The following KPNA7 variants were observed in gnomAD, a reference collection of about 807,000 sequenced individuals.
KPNA7 encodes the protein importin subunit alpha-8.
KPNA7 carries 54 observed loss-of-function variants against 53.7 expected under a neutral mutation model. That is an observed-to-expected ratio of 1.01 (90% CI 0.81 to 1.26). The LOEUF is 1.26. KPNA7 is among the 50% of genes most tolerant of loss of function. KPNA7 has a pLI of 0.00. For synonymous variants in KPNA7, 276 were observed against 259.3 expected (o/e 1.06, Z -0.62); for missense variants, 640 against 644.5 (o/e 0.99, Z 0.07).
In KPNA7 at chr7:99,195,974, C is replaced by A. The variant is rs1173123007; in HGVS notation, c.284+110G>T. 5 of 806,256 alleles carry A rather than the reference C, an allele frequency of 6.2e-6. No homozygotes were observed. In the African/African-American group the frequency reaches 6.9e-5, roughly 11 times the overall value. 49.9% of individuals were successfully genotyped at this position (806,256 alleles called of 1,614,324 possible). On this transcript the variant is annotated intron_variant, in intron 4 of 10. Transcript: ENST00000327442. ...TGGGCTAGCCTTTTCCTGTGTTTTA[C>A]GGGCATGTTGCCAATGCCAAGAAAC... is the stretch of plus-strand genomic sequence containing the variant.
intron 9 of KPNA7, among the ~76,000 whole-genome samples, chr7:99,180,972 T>C (rs1287180554): frequency 7.1e-6 from 1 of 141,520 alleles, no homozygotes; most frequent in East Asian, 2.2e-4. Context: ...TCTCTCTCTC[T>C]CCCCGTCTGT....
At chr7:99,217,416 G>A (rs946139281) in intron 1 of KPNA7, among the ~76,000 whole-genome samples, 1 of 152,058 alleles carries the variant, frequency 6.6e-6, no homozygotes, top group East Asian at 1.9e-4. Context: ...TGTTGGATTC[G>A]AGCTAGCGAG....
intron 3 of KPNA7, among the ~76,000 whole-genome samples, chr7:99,202,768 C>G (rs988603125): frequency 7.2e-5 from 11 of 152,050 alleles, no homozygotes; most frequent in Non-Finnish European, 1.6e-4. Context: ...TCGCTTGAAC[C>G]CAGGGAGATT....
the KPNA7 span, among the ~76,000 whole-genome samples, chr7:99,163,359 G>GTGTGTATATA: frequency 1.2e-4 from 8 of 66,412 alleles, no homozygotes; most frequent in African/African-American, 4.1e-4. Flanking sequence ...ATGAGTGTGT[G>GTGTGTATATA]TATATATATA....
rs142595225 is a variant in KPNA7, at chr7:99,214,635, A to AGAGGGGAGGG, written c.-23-7156_-23-7147dup. On this transcript the variant is annotated intron_variant, in intron 1 of 10. Transcript: ENST00000681060. ...AAAGAGAGACCCTGTTTCAAAGGAA[A>AGAGGGGAGGG]GAGGGGAGGGGAGGTAGGGAAGGGG... Among the ~76,000 whole-genome samples, 25 of 2,986 alleles carry AGAGGGGAGGG rather than the reference A, an allele frequency of 8.4e-3. 9 individuals carry two copies. The highest frequency in any genetic ancestry group is 0.05 in the Non-Finnish European group (6 of 120). The allele number at this position is 2,986 out of a possible 152,430, so 2.0% of individuals were successfully genotyped here. A position where few individuals can be genotyped will look rare whatever the true frequency, so the allele number is the denominator to read the frequency against.
intron 9 of KPNA7, among the ~76,000 whole-genome samples, chr7:99,180,133 G>T (rs1481028542): frequency 3.3e-5 from 5 of 152,156 alleles, no homozygotes; most frequent in Admixed American, 6.5e-5. Flanking sequence ...GTGATGTGAG[G>T]ACACTCAGGC....
chr7:99,184,731 C>T (rs1403332090), intron 8 of KPNA7, among the ~76,000 whole-genome samples, 198 bp downstream of exon 8: 1 of 152,058 alleles, frequency 6.6e-6, no homozygotes, highest in East Asian at 1.9e-4. Flanking sequence ...ATGCTTGTTC[C>T]GTCTTCCAAA....
the KPNA7 span, among the ~76,000 whole-genome samples, chr7:99,160,543 G>T: frequency 1.3e-5 from 2 of 151,858 alleles, no homozygotes; most frequent in Admixed American, 1.3e-4. Flanking sequence ...CTCCTGCCTT[G>T]GCCTCCCAAA....
At chr7:99,154,013 C>T in the KPNA7 span, among the ~76,000 whole-genome samples, 2 of 151,926 alleles carry the variant, frequency 1.3e-5, no homozygotes, top group Admixed American at 6.6e-5. Context: ...ATGATCCCCT[C>T]CCCCTCCCAA....
chr7:99,190,784 A>C (rs1789908376), intron 6 of KPNA7, among the ~76,000 whole-genome samples: 1 of 151,678 alleles, frequency 6.6e-6, no homozygotes. Flanking sequence ...AGTAGCTGGG[A>C]CTACAGACAC....
chr7:99,185,038 T>C lies in KPNA7; in HGVS notation c.1025A>G (p.Gln342Arg), dbSNP rs1274104175. 1.3e-6 allele frequency: 2 copies of C among 1,551,914 alleles called. No individual in the cohort carries two copies. The highest frequency in any genetic ancestry group is 1.7e-6 in the Non-Finnish European group (2 of 1,147,024). The change falls in exon 8 of 11, where the codon CAG becomes CGG. Residue 342 changes from glutamine to arginine, a missense_variant. Coordinates refer to ENST00000327442, the MANE Select transcript of KPNA7 (RefSeq NM_001145715.3). ...GCTCAGGGCCCAGGCTGCCTCCTTC[T>C]GGATGGAGGGCTTGTTGTGTTGCAG... is the stretch of plus-strand genomic sequence containing the variant. ...QLLQHNKPSI[Q>R]KEAAWALSNV...
intron 5 of KPNA7, among the ~76,000 whole-genome samples, chr7:99,193,670 ATT>A (rs71515265): frequency 4.1e-5 from 6 of 144,584 alleles, no homozygotes; most frequent in African/African-American, 1.0e-4. Flanking sequence ...GCAGCCTTTT[ATT>A]TTTTTTTTTT....
In KPNA7 at chr7:99,207,502, C is replaced by G. The variant is rs1790875712; in HGVS notation, c.-23-13G>C. ...AGTAGTAAGTTACCTGCAGGTTGGA[C>G]AGCAACAAAGAAATTTTCAGTGCCC... On this transcript the variant is annotated splice_polypyrimidine_tract_variant and intron_variant, in intron 1 of 10. Coordinates refer to ENST00000327442, the MANE Select transcript of KPNA7 (RefSeq NM_001145715.3). The G allele has an allele frequency of 2.7e-6, 4 of 1,462,846 alleles. No homozygotes were observed. In the East Asian group the frequency reaches 7.6e-5, roughly 28 times the overall value. The allele number at this position is 1,462,846 out of a possible 1,614,324, so 90.6% of individuals were successfully genotyped here.
chr7:99,197,483 A>T (rs892612193), intron 3 of KPNA7, among the ~76,000 whole-genome samples: 1 of 152,190 alleles, frequency 6.6e-6, no homozygotes, highest in Non-Finnish European at 1.5e-5. Flanking sequence ...TATGTGAAAA[A>T]AGCAATCAAT....
intron 7 of KPNA7, among the ~76,000 whole-genome samples, chr7:99,187,790 CTTT>C (rs763348086): frequency 0.019 from 87 of 4,528 alleles, no homozygotes; most frequent in Admixed American, 0.041. Context: ...CGTGCCCGGC[CTTT>C]TTTTTTAAAA....
At chr7:99,174,735 T>TA (rs1172760772) in intron 10 of KPNA7, among the ~76,000 whole-genome samples, 16 of 152,164 alleles carry the variant, frequency 1.1e-4, no homozygotes, top group African/African-American at 3.6e-4. Context: ...TTACTACTTC[T>TA]AGTCCAGAAA....
chr7:99,201,876 T>C (rs1790556110), intron 3 of KPNA7, among the ~76,000 whole-genome samples: 1 of 151,724 alleles, frequency 6.6e-6, no homozygotes, highest in Non-Finnish European at 1.5e-5. Context: ...CCCGGCTAAT[T>C]TTTGTATTCT....
the KPNA7 span, among the ~76,000 whole-genome samples, chr7:99,146,724 A>T: frequency 2.1e-4 from 5 of 23,614 alleles, no homozygotes; most frequent in Non-Finnish European, 7.9e-4. Context: ...AAAAAAAAAA[A>T]AAAAAAAAAA....
At chr7:99,183,540 A>G (rs1300099084) in intron 8 of KPNA7, among the ~76,000 whole-genome samples, 2 of 152,192 alleles carry the variant, frequency 1.3e-5, no homozygotes. Flanking sequence ...GCAGGACCAC[A>G]AGTACTGAAC....
Sources: gnomAD v4.1 joint callset for allele counts (sites outside exome capture counted in the v4.1 genomes callset) on GRCh38, gnomAD v4.1.1 for gene constraint, MANE v1.5 for transcripts, NCBI Gene and HGNC (gene_info 2026-07-23, HGNC 2026-07-21) for gene names.